SIK3: variants seen among roughly 807,000 people sequenced by gnomAD.
SIK3 encodes SIK family kinase 3.
A neutral mutation model predicts 144.2 loss-of-function variants in SIK3; 28 were observed. That is an observed-to-expected ratio of 0.19 (90% CI 0.14 to 0.27). The LOEUF (loss-of-function observed/expected upper bound fraction) is 0.27, where lower values mean the gene tolerates loss of function less well. SIK3 is among the 10% of genes least tolerant of loss of function. The pLI is 1.00. For synonymous variants in SIK3, 686 were observed against 676.3 expected, an observed-to-expected ratio of 1.01 and a Z score of -0.22; for missense variants, 1,319 against 1,776.0, an observed-to-expected ratio of 0.74 and a Z score of 4.62.
Position 116,867,567 on chromosome 11 carries a change from G to A in SIK3, c.1952+379C>T, listed in dbSNP as rs1222347516. ...AAATGCTCATTCTTTTGAAGGTGAT[G>A]GATTATTAAAGGTCAAGTCTATCGA... is the stretch of plus-strand genomic sequence containing the variant. On this transcript the variant is annotated intron_variant, in intron 15 of 24. Coordinates refer to ENST00000445177, the MANE Select transcript of SIK3 (RefSeq NM_001366686.3). This position sits in a 1 kb window ranked among gnomAD's most constrained non-coding sequence, Gnocchi z 4.1. 1.2e-5 allele frequency: 2 copies of A among 171,030 alleles called. No homozygotes were observed. Among genetic ancestry groups the A allele is most frequent in the African/African-American group, 4.7e-5 (2 of 42,126 alleles). 10.6% of individuals were successfully genotyped at this position (171,030 alleles called of 1,614,324 possible).
chr11:116,868,031 T>A lies in SIK3; in HGVS notation c.1867A>T (p.Ile623Phe). ...AGCTGCCGTTGTAGGTCCGGTGGGA[T>A]CTCAGCTGTAGGGTTGGTCATGGCC... ...TLAMTNPTAE[I>F]PPDLQRQLGQ... The change falls in exon 15 of 25, where the codon ATC becomes TTC. Residue 623 changes from isoleucine (I) to phenylalanine (F), a missense_variant. This residue lies in a region of SIK3 where 167 missense variants were observed against 263.3 expected (regional missense o/e 0.63). Coordinates refer to ENST00000445177, the MANE Select transcript of SIK3 (RefSeq NM_001366686.3). The A allele has an allele frequency of 6.4e-7, 1 of 1,550,582 alleles. No individual in the cohort carries two copies.
At chr11:117,084,355 C>G (rs1954916688) in intron 1 of SIK3, among the ~76,000 whole-genome samples, 1 of 152,102 alleles carries the variant, frequency 6.6e-6, no homozygotes, top group South Asian at 2.1e-4. Flanking sequence ...ACCTCTGCCT[C>G]CCAGGTTCAA....
intron 6 of SIK3, among the ~76,000 whole-genome samples, chr11:116,883,439 T>C (rs1944649833): frequency 6.6e-6 from 1 of 152,220 alleles, no homozygotes; most frequent in African/African-American, 2.4e-5. Flanking sequence ...AGGGGTGTTT[T>C]CTGCCAAGAT....
intron 6 of SIK3, among the ~76,000 whole-genome samples, chr11:116,887,521 G>A (rs1944887140): frequency 6.6e-6 from 1 of 151,472 alleles, no homozygotes; most frequent in African/African-American, 2.4e-5. Context: ...GGAGGCTGAG[G>A]CAAGAGAATC....
chr11:116,921,097 G>GAAAAGTT (rs1946942886), intron 4 of SIK3, among the ~76,000 whole-genome samples: 1 of 152,190 alleles, frequency 6.6e-6, no homozygotes, highest in South Asian at 2.1e-4. Flanking sequence ...TCTCAGGCAA[G>GAAAAGTT]AAAAGTTAAA....
intron 22 of SIK3, among the ~76,000 whole-genome samples, chr11:116,848,143 T>C (rs575340360): frequency 6.6e-6 from 1 of 152,162 alleles, no homozygotes; most frequent in East Asian, 1.9e-4. Flanking sequence ...TGAAACCCCG[T>C]CTCTACTAAA....
chr11:117,084,334 G>A (rs925430094), intron 1 of SIK3, among the ~76,000 whole-genome samples: 2 of 152,040 alleles, frequency 1.3e-5, no homozygotes, highest in African/African-American at 4.8e-5. Flanking sequence ...GCAGGATCTT[G>A]GCTCACTGCA....
At position 116,846,696 on chromosome 11, in the gene SIK3, C is replaced by T; in HGVS notation, c.3953-143G>A. ...GCCCTGAATTCTAGCTCACAGCAGG[C>T]CCTCAAGGTGTTGAGTGACGATGGG... On this transcript the variant is annotated intron_variant, in intron 23 of 24. Transcript: ENST00000445177. This position sits in a 1 kb window ranked among gnomAD's most constrained non-coding sequence, Gnocchi z 4.1. 3 of 887,316 alleles carry T rather than the reference C, an allele frequency of 3.4e-6. No individual in the cohort carries two copies. The highest frequency in any genetic ancestry group is 5.2e-6 in the Non-Finnish European group (3 of 579,834). 55.0% of individuals were successfully genotyped at this position (887,316 alleles called of 1,614,324 possible). A position where few individuals can be genotyped will look rare whatever the true frequency, so the allele number is the denominator to read the frequency against.
intron 13 of SIK3, among the ~76,000 whole-genome samples, chr11:116,873,200 G>A (rs1484518325): frequency 1.3e-5 from 2 of 152,252 alleles, no homozygotes; most frequent in Non-Finnish European, 2.9e-5. Flanking sequence ...GCTGGCAGGA[G>A]TGCAGCTGGA....
intron 1 of SIK3, among the ~76,000 whole-genome samples, chr11:116,992,742 C>T (rs10128682): frequency 0.08 from 12,207 of 152,210 alleles, 632 homozygotes; most frequent in African/African-American, 0.13. Context: ...CCCAGCACCT[C>T]GGGGAGCCAA....
At chr11:116,960,348 A>T (rs1949295386) in intron 1 of SIK3, among the ~76,000 whole-genome samples, 1 of 152,102 alleles carries the variant, frequency 6.6e-6, no homozygotes, top group African/African-American at 2.4e-5. Context: ...CAACAAAGTG[A>T]GACCTCATCT....
chr11:117,082,509 T>C (rs1256367480), intron 1 of SIK3, among the ~76,000 whole-genome samples: 2 of 152,086 alleles, frequency 1.3e-5, no homozygotes, highest in African/African-American at 2.4e-5. Context: ...TTACACCAAG[T>C]GAAAGAAGTA....
chr11:116,886,586 A>G (rs544906510), intron 6 of SIK3, among the ~76,000 whole-genome samples: 1 of 152,348 alleles, frequency 6.6e-6, no homozygotes, highest in East Asian at 1.9e-4. Flanking sequence ...AGTCTAATCA[A>G]TAAAGACTCA....
chr11:117,076,464 T>C (rs11216265), intron 1 of SIK3, among the ~76,000 whole-genome samples: 11,063 of 152,248 alleles, frequency 0.073, 490 homozygotes, highest in African/African-American at 0.11. Flanking sequence ...GAACAACTGT[T>C]ATTTACCAAT....
intron 4 of SIK3, among the ~76,000 whole-genome samples, chr11:116,899,018 T>G (rs1302634390): frequency 6.6e-6 from 1 of 150,686 alleles, no homozygotes; most frequent in Non-Finnish European, 1.5e-5. Context: ...GCCATTGCTT[T>G]TGGTGTTTTA....
chr11:117,097,803 C>T (rs530358094), intron 1 of SIK3, among the ~76,000 whole-genome samples: 1 of 152,254 alleles, frequency 6.6e-6, no homozygotes, highest in Non-Finnish European at 1.5e-5. Context: ...GTTCCAGAGT[C>T]TTCTGGGCTT....
At chr11:117,007,959 C>G (rs1185121467) in intron 1 of SIK3, among the ~76,000 whole-genome samples, 1 of 151,312 alleles carries the variant, frequency 6.6e-6, no homozygotes, top group Non-Finnish European at 1.5e-5. Context: ...TGATGTAATC[C>G]CAGCTACTCA....
At chr11:117,096,680 A>G (rs1179064413) in intron 1 of SIK3, among the ~76,000 whole-genome samples, 3 of 152,148 alleles carry the variant, frequency 2.0e-5, no homozygotes, top group African/African-American at 7.2e-5. Flanking sequence ...AAACTGACCA[A>G]TCAATTCGCC....
At chr11:117,066,705 TTAAG>T (rs1425110390) in intron 1 of SIK3, among the ~76,000 whole-genome samples, 3 of 152,134 alleles carry the variant, frequency 2.0e-5, no homozygotes, top group Non-Finnish European at 2.9e-5. Flanking sequence ...CAGCTAATTC[TTAAG>T]TTTTTTGTAG....
Sources: allele counts gnomAD v4.1 joint callset (sites outside exome capture counted in the v4.1 genomes callset), GRCh38; gene constraint gnomAD v4.1.1; regional missense constraint gnomAD v4.1.1; non-coding constraint Gnocchi (gnomAD v3.1); transcripts MANE v1.5; gene names NCBI Gene and HGNC (gene_info 2026-07-23, HGNC 2026-07-21).